Variants in PTPRD observed in about 807,000 individuals in gnomAD.
The protein encoded by PTPRD is protein tyrosine phosphatase receptor type D.
A neutral mutation model predicts 214.5 loss-of-function variants in PTPRD; 34 were observed. The observed-to-expected ratio is 0.16, with a 90% confidence interval of 0.12 to 0.21. The LOEUF (loss-of-function observed/expected upper bound fraction) is 0.21, where lower values mean the gene tolerates loss of function less well. PTPRD is among the 10% of genes least tolerant of loss of function. The pLI, the probability that PTPRD is intolerant of heterozygous loss-of-function variation, is 1.00. For missense variants in PTPRD, 2,545 were observed against 2,398.7 expected, an observed-to-expected ratio of 1.06 and a Z score of -1.27; for synonymous variants, 1,128 against 845.7, an observed-to-expected ratio of 1.33 and a Z score of -5.79.
chr9:10,375,115 G>T (rs1480362649), intron 2 of PTPRD, among the ~76,000 whole-genome samples: 1 of 151,812 alleles, frequency 6.6e-6, no homozygotes, highest in Non-Finnish European at 1.5e-5. Context: ...CAAAGAATCT[G>T]AAAAAAATAG....
At chr9:9,622,456 G>C (rs1057360977) in intron 7 of PTPRD, among the ~76,000 whole-genome samples, 1 of 151,946 alleles carries the variant, frequency 6.6e-6, no homozygotes, top group Non-Finnish European at 1.5e-5. Flanking sequence ...TATCATTTAC[G>C]TATTGTACAA....
chr9:9,448,316 G>A (rs980896571), intron 8 of PTPRD, among the ~76,000 whole-genome samples: 2 of 152,062 alleles, frequency 1.3e-5, no homozygotes, highest in African/African-American at 4.8e-5. Context: ...GGAGGGACCT[G>A]TAATCCTCAC....
intron 9 of PTPRD, among the ~76,000 whole-genome samples, chr9:9,291,329 T>G (rs144542173): frequency 6.6e-6 from 1 of 151,582 alleles, no homozygotes; most frequent in East Asian, 2.0e-4. Flanking sequence ...ACCGGAAATT[T>G]GAGAGACTGC....
intron 12 of PTPRD, among the ~76,000 whole-genome samples, chr9:8,658,969 C>G (rs1190798883): frequency 6.6e-6 from 1 of 152,142 alleles, no homozygotes; most frequent in African/African-American, 2.4e-5. Flanking sequence ...AGCATCTCCT[C>G]TAATCGTTCA....
chr9:10,070,483 T>C (rs1279805552), intron 3 of PTPRD, among the ~76,000 whole-genome samples: 1 of 151,996 alleles, frequency 6.6e-6, no homozygotes, highest in Admixed American at 6.6e-5. Context: ...TATGAAAGAT[T>C]TTCAGCTCTT....
chr9:9,119,212 A>G (rs1456670406), intron 10 of PTPRD, among the ~76,000 whole-genome samples: 1 of 152,176 alleles, frequency 6.6e-6, no homozygotes, highest in East Asian at 1.9e-4. Flanking sequence ...TTATAGGTTT[A>G]CCATGTTAGT....
intron 3 of PTPRD, among the ~76,000 whole-genome samples, chr9:10,175,024 G>C (rs976000984): frequency 1.3e-5 from 2 of 151,982 alleles, no homozygotes; most frequent in Admixed American, 6.6e-5. Context: ...TAGTAGTGAG[G>C]ATTAGACTCA....
intron 8 of PTPRD, among the ~76,000 whole-genome samples, chr9:9,570,978 T>C (rs886241454): frequency 6.6e-6 from 1 of 151,636 alleles, no homozygotes; most frequent in African/African-American, 2.4e-5. Context: ...TAAAATAAGA[T>C]ACTATCTACT....
chr9:10,381,458 G>C (rs961083765), intron 2 of PTPRD, among the ~76,000 whole-genome samples: 3 of 151,988 alleles, frequency 2.0e-5, no homozygotes, highest in African/African-American at 7.2e-5. Context: ...GCTTTCAATA[G>C]AGTGAAATGG....
At chr9:9,055,798 T>A in intron 10 of PTPRD, among the ~76,000 whole-genome samples, 1 of 149,720 alleles carries the variant, frequency 6.7e-6, no homozygotes, top group Middle Eastern at 3.6e-3. Flanking sequence ...ATATATTTTA[T>A]ATTTAACTAG....
At chr9:9,244,929 C>G (rs967554055) in intron 9 of PTPRD, among the ~76,000 whole-genome samples, 1 of 152,090 alleles carries the variant, frequency 6.6e-6, no homozygotes, top group Non-Finnish European at 1.5e-5. Flanking sequence ...AGAACTCAAA[C>G]AAATGTACAA....
Position 9,660,276 on chromosome 9 carries a change from G to T in PTPRD, c.-287+74257C>A, listed in dbSNP as rs1220730427. 2.6e-5 allele frequency among the ~76,000 whole-genome samples: 4 copies of T among 151,934 alleles called. No homozygotes were observed. In the South Asian group the frequency reaches 8.3e-4, roughly 31 times the overall value. The stretch of plus-strand genomic sequence containing the variant: ...AGGTTGAGAGTGGAGGACTGACATG[G>T]CTTGATTTACACATTAACAGAACAT... On this transcript the variant is annotated intron_variant, in intron 7 of 45. Coordinates refer to ENST00000381196, the MANE Select transcript of PTPRD (RefSeq NM_002839.4).
chr9:9,921,817 T>C (rs550004280), intron 5 of PTPRD, among the ~76,000 whole-genome samples: 2 of 152,084 alleles, frequency 1.3e-5, no homozygotes, highest in African/African-American at 4.8e-5. Context: ...TGATATTATG[T>C]GTCCCACACT....
chr9:9,017,536 T>G (rs896630733), intron 11 of PTPRD, among the ~76,000 whole-genome samples: 6 of 152,182 alleles, frequency 3.9e-5, no homozygotes, highest in African/African-American at 1.4e-4. Flanking sequence ...TTTTAATGAT[T>G]TATTTCACCT....
chr9:10,006,753 A>G (rs1006219985), intron 4 of PTPRD, among the ~76,000 whole-genome samples: 1 of 152,056 alleles, frequency 6.6e-6, no homozygotes, highest in African/African-American at 2.4e-5. Context: ...CAGCCTATCA[A>G]TGAAACACCA....
intron 30 of PTPRD, among the ~76,000 whole-genome samples, chr9:8,478,038 G>T (rs560849426): frequency 6.6e-6 from 1 of 152,282 alleles, no homozygotes; most frequent in South Asian, 2.1e-4. Flanking sequence ...CCTTTGCAAA[G>T]CACCTAGTAT....
intron 10 of PTPRD, among the ~76,000 whole-genome samples, chr9:9,105,380 A>C (rs117735407): frequency 0.012 from 1,868 of 152,284 alleles, 12 homozygotes; most frequent in Non-Finnish European, 0.017. Context: ...GTCAACTTTC[A>C]GAGCTCTTAC....
intron 8 of PTPRD, among the ~76,000 whole-genome samples, chr9:9,538,242 C>T (rs1048009448): frequency 2.0e-5 from 3 of 151,842 alleles, no homozygotes; most frequent in Admixed American, 6.6e-5. Context: ...GGGATAAAAA[C>T]CCTCACTACT....
At chr9:8,667,216 G>A (rs2097187576) in intron 12 of PTPRD, among the ~76,000 whole-genome samples, 1 of 152,090 alleles carries the variant, frequency 6.6e-6, no homozygotes, top group South Asian at 2.1e-4. Flanking sequence ...GTGGGCGCCT[G>A]TAATCCCAGC....
Sources: allele counts gnomAD v4.1 joint callset (sites outside exome capture counted in the v4.1 genomes callset), GRCh38; gene constraint gnomAD v4.1.1; transcripts MANE v1.5; gene names NCBI Gene and HGNC (gene_info 2026-07-23, HGNC 2026-07-21).